Variants in NBEA observed in about 807,000 individuals in gnomAD.
NBEA encodes the protein lysosomal-trafficking regulator 2.
A neutral mutation model predicts 343.4 loss-of-function variants in NBEA; 44 were observed. That is an observed-to-expected ratio of 0.13 (90% CI 0.10 to 0.16). NBEA has a LOEUF of 0.16. NBEA is among the 10% of genes least tolerant of loss of function. The pLI is 1.00. For synonymous variants in NBEA, 1,175 were observed against 1,238.7 expected (o/e 0.95, Z 1.08); for missense variants, 2,555 against 3,631.3 (o/e 0.70, Z 7.62).
chr13:35,046,338 C>G (rs1261191718), intron 4 of NBEA, among the ~76,000 whole-genome samples: 1 of 152,120 alleles, frequency 6.6e-6, no homozygotes, highest in Admixed American at 6.6e-5. Flanking sequence ...TGCCTGTTTA[C>G]TTTCATGAGA....
intron 1 of NBEA, among the ~76,000 whole-genome samples, chr13:34,973,409 A>G (rs2060062351): frequency 6.6e-6 from 1 of 152,100 alleles, no homozygotes; most frequent in African/African-American, 2.4e-5. Context: ...TAAGTTGCCC[A>G]AATAGCAAAG....
Position 34,990,591 on chromosome 13 carries a change from C to T in NBEA, c.294+47477C>T, listed in dbSNP as rs537401662. 2.6e-5 allele frequency among the ~76,000 whole-genome samples: 4 copies of T among 150,960 alleles called. No individual in the cohort carries two copies. In the South Asian group the frequency reaches 6.3e-4, roughly 24 times the overall value. On this transcript the variant is annotated intron_variant, in intron 1 of 58. Transcript: ENST00000379939. ...GCTTTGCTCTCAAAACCATTCTTCCCTTAGGCCTCTGGGCCTTTGATTGGA... is the reference window on the plus strand; with the variant it reads ...GCTTTGCTCTCAAAACCATTCTTCCTTTAGGCCTCTGGGCCTTTGATTGGA...
At chr13:35,654,272 C>T (rs138006612) in intron 53 of NBEA, among the ~76,000 whole-genome samples, 4 of 152,110 alleles carry the variant, frequency 2.6e-5, no homozygotes, top group Admixed American at 2.6e-4. Flanking sequence ...TTTTGTTCCT[C>T]TCCTCCCCTG....
chr13:35,182,649 T>C (rs917330172), intron 29 of NBEA, 121 bp downstream of exon 29: 1 of 921,064 alleles, frequency 1.1e-6, no homozygotes, highest in African/African-American at 1.7e-5. Context: ...GAATGGTTGG[T>C]ATAGAAATGC....
At chr13:35,615,096 C>A (rs149945808) in intron 48 of NBEA, among the ~76,000 whole-genome samples, 157 of 126,236 alleles carry the variant, frequency 1.2e-3, no homozygotes, top group South Asian at 3.1e-3. Context: ...CCAGCCTGGG[C>A]AACATGTTGA....
chr13:35,449,695 GA>G lies in NBEA; in HGVS notation c.6305-2396del, dbSNP rs200232465. On this transcript the variant is annotated intron_variant, in intron 39 of 58. Transcript: ENST00000379939. ...ATCACCAAAAATCAAATAGAATTAA[GA>G]TAAGGTTCTGAAGCATTCAGTGATC... 9.1e-3 allele frequency among the ~76,000 whole-genome samples: 1,385 copies of G among 152,256 alleles called. 11 individuals carry two copies. Among genetic ancestry groups the G allele is most frequent in the Non-Finnish European group, 0.014 (923 of 68,014 alleles).
At chr13:35,453,259 T>A (rs1046406731) in intron 40 of NBEA, among the ~76,000 whole-genome samples, 2 of 152,248 alleles carry the variant, frequency 1.3e-5, no homozygotes, top group African/African-American at 4.8e-5. Flanking sequence ...CTCCCTTTTC[T>A]AGATTAAGAA....
At chr13:35,385,464 G>A (rs2042202938) in intron 38 of NBEA, among the ~76,000 whole-genome samples, 1 of 152,072 alleles carries the variant, frequency 6.6e-6, no homozygotes, top group South Asian at 2.1e-4. Context: ...CTTTGGGAGT[G>A]CAGAGTGGAC....
At chr13:34,994,198 C>CAAAAAAAAA (rs57966701) in intron 1 of NBEA, among the ~76,000 whole-genome samples, 1 of 29,918 alleles carries the variant, frequency 3.3e-5, no homozygotes, top group African/African-American at 7.2e-5. Flanking sequence ...GCTCTGTCTC[C>CAAAAAAAAA]AAAAAAAAAA....
chr13:35,443,301 A>G (rs531938621), intron 39 of NBEA, among the ~76,000 whole-genome samples: 1 of 152,080 alleles, frequency 6.6e-6, no homozygotes, highest in Non-Finnish European at 1.5e-5. Flanking sequence ...TATGTAATAT[A>G]GTCATGTGCT....
rs1365606147 is a variant in NBEA, at chr13:35,117,507, A to G, written c.2082+14A>G. On this transcript the variant is annotated intron_variant, in intron 14 of 58. Coordinates refer to ENST00000379939, the MANE Select transcript of NBEA (RefSeq NM_001385012.1). The stretch of plus-strand genomic sequence containing the variant: ...CTGATACTAAAGGTAAAATAATTTT[A>G]TATAATTTAAAATAATAGTATATTA... The G allele has an allele frequency of 3.3e-6, 4 of 1,205,418 alleles. No individual in the cohort carries two copies. The highest frequency in any genetic ancestry group is 4.3e-6 in the Non-Finnish European group (4 of 921,290). The allele number at this position is 1,205,418 out of a possible 1,614,324, so 74.7% of individuals were successfully genotyped here. A position where few individuals can be genotyped will look rare whatever the true frequency, so the allele number is the denominator to read the frequency against.
chr13:34,994,198 C>CAAA (rs57966701), intron 1 of NBEA, among the ~76,000 whole-genome samples: 8 of 29,902 alleles, frequency 2.7e-4, no homozygotes, highest in East Asian at 1.5e-3. Context: ...GCTCTGTCTC[C>CAAA]AAAAAAAAAA....
chr13:35,349,325 G>A, intron 37 of NBEA, 109 bp downstream of exon 37: 2 of 525,116 alleles, frequency 3.8e-6, no homozygotes, highest in Middle Eastern at 2.8e-4. Flanking sequence ...TTCACTGAAG[G>A]CATTTCTGTT....
chr13:35,312,118 A>C (rs2037409389), intron 36 of NBEA, among the ~76,000 whole-genome samples: 1 of 152,250 alleles, frequency 6.6e-6, no homozygotes, highest in South Asian at 2.1e-4. Context: ...GGAATAAGAT[A>C]TAAATGATTC....
Position 35,474,988 on chromosome 13 carries a change from T to C in NBEA, c.6585+2452T>C, listed in dbSNP as rs530740482. 5.3e-5 allele frequency: 78 copies of C among 1,484,922 alleles called. No homozygotes were observed. In the African/African-American group the frequency reaches 9.5e-4, roughly 18 times the overall value. The allele number at this position is 1,484,922 out of a possible 1,614,324, so 92.0% of individuals were successfully genotyped here. ...GCACTGCGGAGTGGAATATTAGGAA[T>C]TGAACAGAAGTTTACACTTAATAAG... On this transcript the variant is annotated intron_variant, in intron 41 of 58. Coordinates refer to ENST00000379939, the MANE Select transcript of NBEA (RefSeq NM_001385012.1).
chr13:35,350,983 T>A (rs565834607), intron 37 of NBEA, among the ~76,000 whole-genome samples: 1 of 151,966 alleles, frequency 6.6e-6, no homozygotes, highest in African/African-American at 2.4e-5. Flanking sequence ...TTAATTTTAC[T>A]CTCCAATGAG....
At chr13:35,082,940 A>G (rs925052119) in intron 10 of NBEA, among the ~76,000 whole-genome samples, 3 of 152,084 alleles carry the variant, frequency 2.0e-5, no homozygotes, top group Non-Finnish European at 2.9e-5. Context: ...CCATTTGTCA[A>G]TTTTGGCTTT....
In NBEA at chr13:35,297,244, C is replaced by G. The variant is rs889849959; in HGVS notation, c.5838+6794C>G. 1.2e-4 allele frequency among the ~76,000 whole-genome samples: 19 copies of G among 152,090 alleles called. 2 individuals carry two copies. Among genetic ancestry groups the G allele is most frequent in the Admixed American group, 9.8e-4 (15 of 15,276 alleles). On this transcript the variant is annotated intron_variant, in intron 35 of 58. Coordinates refer to ENST00000379939, the MANE Select transcript of NBEA (RefSeq NM_001385012.1). Reference sequence around the variant, plus strand: ...AATTATTTCAAACTCTTTTATTTCACGAAGCCTTTCTGTATTATTATTGTT... The same window carrying G: ...AATTATTTCAAACTCTTTTATTTCAGGAAGCCTTTCTGTATTATTATTGTT...
At chr13:35,308,462 A>ATATG (rs1411504511) in intron 35 of NBEA, among the ~76,000 whole-genome samples, 19 of 110,156 alleles carry the variant, frequency 1.7e-4, no homozygotes, top group African/African-American at 7.6e-4. Context: ...ATATATATAT[A>ATATG]TATATATATA....
Sources: allele counts gnomAD v4.1 joint callset (sites outside exome capture counted in the v4.1 genomes callset), GRCh38; gene constraint gnomAD v4.1.1; transcripts MANE v1.5; gene names NCBI Gene and HGNC (gene_info 2026-07-23, HGNC 2026-07-21).